SIRT4: variants seen among roughly 807,000 people sequenced by gnomAD.
The protein encoded by SIRT4 is NAD-dependent protein lipoamidase sirtuin-4, mitochondrial.
Under a neutral mutation model 26.1 loss-of-function variants are expected in SIRT4, and 23 were observed. The ratio of observed to expected loss-of-function variants is 0.88; its 90% CI spans 0.63 to 1.25. The LOEUF (loss-of-function observed/expected upper bound fraction) is 1.25. SIRT4 is among the 50% of genes most tolerant of loss of function. The pLI is 0.00. For missense variants in SIRT4, 361 were observed against 405.4 expected, an observed-to-expected ratio of 0.89 and a Z score of 0.94; for synonymous variants, 155 against 158.4, an observed-to-expected ratio of 0.98 and a Z score of 0.16.
At chr12:120,291,923 C>G in the SIRT4 span, 1 of 152,154 alleles carries the variant, frequency 6.6e-6, no homozygotes, top group African/African-American at 2.4e-5. Context: ...CTGTTCGCGC[C>G]CCGCTCCCCC....
the SIRT4 span, chr12:120,293,361 G>T: frequency 6.6e-6 from 1 of 152,276 alleles, no homozygotes; most frequent in South Asian, 2.1e-4. Flanking sequence ...ATCATAGAAA[G>T]ATGTTTGTGA....
chr12:120,308,572 C>T (rs894634773), intron 2 of SIRT4, among the ~76,000 whole-genome samples: 1 of 152,100 alleles, frequency 6.6e-6, no homozygotes, highest in Non-Finnish European at 1.5e-5. Context: ...AGTTGTAGAT[C>T]CCAGAGGAGT....
chr12:120,307,030 G>T (rs1872768324), intron 2 of SIRT4, among the ~76,000 whole-genome samples: 1 of 152,164 alleles, frequency 6.6e-6, no homozygotes, highest in African/African-American at 2.4e-5. Context: ...GGCAATAATT[G>T]TAGCTAATTG....
rs922636034 is a variant in SIRT4, at chr12:120,306,159, C to G, written c.497+2101C>G. Among the ~76,000 whole-genome samples, 3 of 151,722 alleles carry G rather than the reference C, an allele frequency of 2.0e-5. No individual in the cohort carries two copies. The East Asian group carries it at 5.9e-4, about 30-fold the overall frequency. Reference sequence around the variant, plus strand: ...CTGCCTGGGTAACACAGCCAGACTCCGTCTCTACAAAAAATTTTTTTAAGA... The same window carrying G: ...CTGCCTGGGTAACACAGCCAGACTCGGTCTCTACAAAAAATTTTTTTAAGA... On this transcript the variant is annotated intron_variant, in intron 2 of 3. Transcript: ENST00000202967.
At chr12:120,297,422 A>C (rs1459616416), upstream of SIRT4, among the ~76,000 whole-genome samples, 1 of 151,018 alleles carries the variant, frequency 6.6e-6, no homozygotes, top group Non-Finnish European at 1.5e-5. Flanking sequence ...AGAATTCTAG[A>C]ATGGGTGGCC....
the SIRT4 span, chr12:120,293,320 C>A: frequency 6.6e-6 from 1 of 152,200 alleles, no homozygotes; most frequent in African/African-American, 2.4e-5. Flanking sequence ...ATGGAAAAAT[C>A]TTCACTTATT....
In SIRT4 at chr12:120,303,890, T is replaced by G. The variant is rs1262273599; in HGVS notation, c.329T>G (p.Phe110Cys). Residue 110 changes from phenylalanine to cysteine, a missense_variant, in exon 2 of 4, where the codon TTC (phenylalanine) becomes TGC (cysteine). Coordinates refer to ENST00000202967, the MANE Select transcript of SIRT4 (RefSeq NM_012240.3). The stretch of plus-strand genomic sequence containing the variant: ...CGCCAGCGGTACTGGGCGAGAAACT[T>G]CGTAGGCTGGCCTCAATTCTCCTCC... ...PIRQRYWARNFVGWPQFSSHQ... is the reference protein window; with the variant it reads ...PIRQRYWARNCVGWPQFSSHQ... The G allele has an allele frequency of 6.2e-7, 1 of 1,614,162 alleles. No homozygotes were observed. The highest frequency in any genetic ancestry group is 1.7e-5 in the Admixed American group (1 of 60,002).
upstream of SIRT4, among the ~76,000 whole-genome samples, chr12:120,301,876 C>T (rs1872561773): frequency 6.6e-6 from 1 of 152,016 alleles, no homozygotes; most frequent in South Asian, 2.1e-4. Flanking sequence ...GAGTTCAAGA[C>T]GAGCCTGGCC....
chr12:120,310,059 C>T (rs1008843590), intron 2 of SIRT4, among the ~76,000 whole-genome samples: 4 of 151,870 alleles, frequency 2.6e-5, no homozygotes, highest in African/African-American at 9.7e-5. Flanking sequence ...TTCTGACACC[C>T]AGGCTAGAGT....
Position 120,313,147 on chromosome 12 carries a change from G to C in SIRT4, c.*111G>C. 8.1e-7 allele frequency: 1 copy of C among 1,236,872 alleles called. No individual in the cohort carries two copies. Among genetic ancestry groups the C allele is most frequent in the Non-Finnish European group, 1.2e-6 (1 of 863,304 alleles). The allele number at this position is 1,236,872 out of a possible 1,614,324, so 76.6% of individuals were successfully genotyped here. ...TCCAGTTCCCATTCAACAGAGTAGG[G>C]TGCACTGACAAAGTATAGAAGGTTC... On this transcript the variant is annotated 3_prime_UTR_variant, in exon 4 of 4. Coordinates refer to ENST00000202967, the MANE Select transcript of SIRT4 (RefSeq NM_012240.3).
chr12:120,304,370 C>T (rs1872660816), intron 2 of SIRT4, among the ~76,000 whole-genome samples: 1 of 152,126 alleles, frequency 6.6e-6, no homozygotes, highest in Admixed American at 6.6e-5. Flanking sequence ...AGGACTGGGG[C>T]CGGGCGCAGT....
chr12:120,311,735 CAAAAAAAAAAAAAAA>C (rs10612543), intron 2 of SIRT4, among the ~76,000 whole-genome samples: 16 of 55,110 alleles, frequency 2.9e-4, no homozygotes, highest in Middle Eastern at 0.017. Context: ...AACTTGCTCT[CAAAAAAAAAAAAAAA>C]AAAAAAAAAA....
At chr12:120,294,828 CTTTTTTTT>C in the SIRT4 span, among the ~76,000 whole-genome samples, 18 of 137,498 alleles carry the variant, frequency 1.3e-4, no homozygotes, top group East Asian at 3.1e-3. Context: ...ACTGTTTATC[CTTTTTTTT>C]TTTTTTTTTG....
In SIRT4 at chr12:120,312,712, G is replaced by C; in HGVS notation, c.754G>C (p.Glu252Gln). Residue 252 changes from glutamate to glutamine, a missense_variant, in exon 3 of 4, where the codon GAA becomes CAA. Physicochemically the swap from Glu to Gln is conservative, Grantham distance 29. Transcript: ENST00000202967. Reference protein sequence around the residue: ...KVDFVHKRVKEADSLLVVGSS... With the variant: ...KVDFVHKRVKQADSLLVVGSS... The stretch of plus-strand genomic sequence containing the variant: ...TGATTTTGTGCACAAGCGTGTAAAA[G>C]AAGCCGACTCCCTCTTGGTGGTGGG... The C allele has an allele frequency of 6.2e-7, 1 of 1,614,064 alleles. No homozygotes were observed. The highest frequency in any genetic ancestry group is 8.5e-7 in the Non-Finnish European group (1 of 1,179,994).
chr12:120,303,549 C>A lies in SIRT4; in HGVS notation c.-1-12C>A. The stretch of plus-strand genomic sequence containing the variant: ...CACCCCAGTTTCTCACATGAGGCTT[C>A]TTTTTCTCTAGAATGAAGATGAGCT... On this transcript the variant is annotated splice_polypyrimidine_tract_variant and intron_variant, in intron 1 of 3. Coordinates refer to ENST00000202967, the MANE Select transcript of SIRT4 (RefSeq NM_012240.3). 6.4e-7 allele frequency: 1 copy of A among 1,566,034 alleles called. No individual in the cohort carries two copies. The highest frequency in any genetic ancestry group is 8.6e-7 in the Non-Finnish European group (1 of 1,161,862).
intron 2 of SIRT4, among the ~76,000 whole-genome samples, chr12:120,307,133 G>C (rs1190978582): frequency 6.6e-6 from 1 of 152,126 alleles, no homozygotes; most frequent in African/African-American, 2.4e-5. Context: ...TAGAATGTAT[G>C]GTGTACATAC....
upstream of SIRT4, among the ~76,000 whole-genome samples, chr12:120,297,976 A>G (rs552402195): frequency 6.6e-6 from 1 of 152,102 alleles, no homozygotes; most frequent in Admixed American, 6.6e-5. Flanking sequence ...TAACTAATGC[A>G]GAAAGGGCTG....
chr12:120,300,216 T>C (rs1337865294), upstream of SIRT4, among the ~76,000 whole-genome samples: 1 of 151,006 alleles, frequency 6.6e-6, no homozygotes, highest in Non-Finnish European at 1.5e-5. Flanking sequence ...CCCTTGGGCC[T>C]GGGAAGTAGA....
At chr12:120,308,009 CT>C (rs990584303) in intron 2 of SIRT4, among the ~76,000 whole-genome samples, 3 of 150,830 alleles carry the variant, frequency 2.0e-5, no homozygotes, top group East Asian at 3.9e-4. Context: ...GTTGAGAAAG[CT>C]TTTTAAAAAA....
Sources: gnomAD v4.1 joint callset for allele counts (sites outside exome capture counted in the v4.1 genomes callset) on GRCh38, gnomAD v4.1.1 for gene constraint, MANE v1.5 for transcripts, NCBI Gene and HGNC (gene_info 2026-07-23, HGNC 2026-07-21) for gene names.